MAP4K4: variants seen among roughly 807,000 people sequenced by gnomAD.
The protein encoded by MAP4K4 is HPK/GCK-like kinase HGK.
A neutral mutation model predicts 189.6 loss-of-function variants in MAP4K4; 38 were observed. The observed-to-expected ratio is 0.20, with a 90% CI of 0.15 to 0.26. MAP4K4 has a LOEUF of 0.26. MAP4K4 is among the 10% of genes least tolerant of loss of function. The probability of loss-of-function intolerance (pLI) is 1.00; values close to 1 mark genes in which losing one functional copy is unlikely to be tolerated. For synonymous variants in MAP4K4, 610 were observed against 624.3 expected, an observed-to-expected ratio of 0.98 and a Z score of 0.34; for missense variants, 1,054 against 1,726.9, an observed-to-expected ratio of 0.61 and a Z score of 6.91.
chr2:101,828,508 C>G (rs567051270), intron 5 of MAP4K4, among the ~76,000 whole-genome samples: 60 of 152,364 alleles, frequency 3.9e-4, no homozygotes, highest in African/African-American at 1.3e-3. Flanking sequence ...AAGCTCTGCT[C>G]TGTTTCATAG....
At chr2:101,845,520 T>C (rs956092539) in intron 12 of MAP4K4, among the ~76,000 whole-genome samples, 1 of 152,210 alleles carries the variant, frequency 6.6e-6, no homozygotes. Context: ...ACCTAGACTA[T>C]GTGGTGTGGC....
At chr2:101,824,036 C>T in exon 4 of MAP4K4, 2 of 1,557,392 alleles carry the variant, frequency 1.3e-6, no homozygotes, top group African/African-American at 2.8e-5. Flanking sequence ...CCCTCCAGGA[C>T]ATGATGACCA....
chr2:101,759,346 C>T (rs2150116927), intron 2 of MAP4K4, among the ~76,000 whole-genome samples: 1 of 152,160 alleles, frequency 6.6e-6, no homozygotes, highest in Non-Finnish European at 1.5e-5. Flanking sequence ...GGCATTTCCT[C>T]TGAGTTGGCG....
At chr2:101,823,072 A>G (rs2096169412) in intron 3 of MAP4K4, among the ~76,000 whole-genome samples, 1 of 152,164 alleles carries the variant, frequency 6.6e-6, no homozygotes, top group African/African-American at 2.4e-5. Flanking sequence ...CAGAATGCCT[A>G]CCTGGCTGGT....
At chr2:101,698,637 C>T in intron 2 of MAP4K4, 99 bp downstream of exon 2, 1 of 1,155,992 alleles carries the variant, frequency 8.7e-7, no homozygotes, top group South Asian at 1.3e-5. Context: ...GGAGGCCACG[C>T]CGCTTGGCCA....
intron 2 of MAP4K4, among the ~76,000 whole-genome samples, chr2:101,727,861 C>T (rs538915101): frequency 2.0e-5 from 3 of 152,220 alleles, no homozygotes; most frequent in South Asian, 4.1e-4. Context: ...TCCAGCTACT[C>T]GGGAGGTTGA....
At position 101,856,157 on chromosome 2, in the gene MAP4K4, T is replaced by A. The variant is rs909209324; in HGVS notation, c.1395+19T>A. 3.2e-6 allele frequency: 5 copies of A among 1,547,036 alleles called. No homozygotes were observed. The African/African-American group carries it at 6.9e-5, about 21-fold the overall frequency. On this transcript the variant is annotated intron_variant, in intron 13 of 32. Transcript: ENST00000324219. ...AGAACAGGTTAGTTCACAGATAACA[T>A]AGCAGGCATACACTTGTGAAGTTTG...
chr2:101,856,194 A>G, intron 13 of MAP4K4, 56 bp downstream of exon 13: 3 of 1,516,260 alleles, frequency 2.0e-6, no homozygotes, highest in Non-Finnish European at 2.7e-6. Context: ...TACTTTGCAG[A>G]GCTGGGGGAT....
chr2:101,867,378 G>A, intron 20 of MAP4K4, 69 bp downstream of exon 20: 1 of 1,202,228 alleles, frequency 8.3e-7, no homozygotes, highest in South Asian at 1.3e-5. Context: ...AAAAATATGT[G>A]GTTGAGAGGC....
chr2:101,870,281 T>C lies in MAP4K4; in HGVS notation c.2640-14T>C, dbSNP rs1474703129. 1.2e-6 allele frequency: 2 copies of C among 1,611,094 alleles called. No individual in the cohort carries two copies. The highest frequency in any genetic ancestry group is 1.3e-5 in the African/African-American group (1 of 74,858). ...GAGATTAAGGCCTTTCACGTCTGGA[T>C]TTTTTCTCCATAGGTCATCTCTGAA... On this transcript the variant is annotated splice_polypyrimidine_tract_variant and intron_variant, in intron 22 of 32. Transcript: ENST00000324219.
chr2:101,753,593 C>G (rs907759930), intron 2 of MAP4K4, among the ~76,000 whole-genome samples: 11 of 151,828 alleles, frequency 7.2e-5, no homozygotes, highest in Non-Finnish European at 1.2e-4. Context: ...ATATGGATTT[C>G]AGCAAGTATG....
At chr2:101,862,536 C>T (rs191182390) in intron 16 of MAP4K4, among the ~76,000 whole-genome samples, 6 of 152,148 alleles carry the variant, frequency 3.9e-5, no homozygotes, top group Non-Finnish European at 4.4e-5. Flanking sequence ...AGTTAAACTT[C>T]GCATAAATGG....
chr2:101,727,570 A>G (rs2056183710), intron 2 of MAP4K4, among the ~76,000 whole-genome samples: 1 of 152,228 alleles, frequency 6.6e-6, no homozygotes, highest in African/African-American at 2.4e-5. Context: ...GACTCTTAAA[A>G]TTTTGGGGGG....
chr2:101,859,674 G>A (rs2097578460), exon 15 of MAP4K4: 10 of 1,611,070 alleles, frequency 6.2e-6, no homozygotes, highest in African/African-American at 1.3e-5. Context: ...GAGGAGCACC[G>A]GCAGGCAGAG....
At chr2:101,763,969 A>AT (rs1239102704) in intron 2 of MAP4K4, among the ~76,000 whole-genome samples, 1 of 151,914 alleles carries the variant, frequency 6.6e-6, no homozygotes, top group Non-Finnish European at 1.5e-5. Context: ...TGGCTGTATG[A>AT]TTTTGCCTGA....
chr2:101,769,321 A>G (rs2080171563), intron 2 of MAP4K4, among the ~76,000 whole-genome samples: 1 of 152,226 alleles, frequency 6.6e-6, no homozygotes, highest in Non-Finnish European at 1.5e-5. Flanking sequence ...GTGAATATTC[A>G]GCAAGGTAAG....
chr2:101,721,497 G>A (rs1354203947), intron 2 of MAP4K4, among the ~76,000 whole-genome samples: 2 of 150,556 alleles, frequency 1.3e-5, no homozygotes, highest in African/African-American at 4.9e-5. Context: ...GTGCGGTGGC[G>A]CGATCTCGGC....
chr2:101,751,901 A>G (rs1574898800), intron 2 of MAP4K4, among the ~76,000 whole-genome samples: 1 of 152,294 alleles, frequency 6.6e-6, no homozygotes, highest in East Asian at 1.9e-4. Flanking sequence ...TTTGGTCCCA[A>G]AGGAGCCAGC....
At chr2:101,865,128 A>T (rs555707461) in intron 18 of MAP4K4, 92 bp downstream of exon 18, 1 of 749,838 alleles carries the variant, frequency 1.3e-6, no homozygotes, top group African/African-American at 1.8e-5. Context: ...TTAAACACAG[A>T]CGTTCTGGGG....
Sources: gnomAD v4.1 joint callset for allele counts (sites outside exome capture counted in the v4.1 genomes callset) on GRCh38, gnomAD v4.1.1 for gene constraint, MANE v1.5 for transcripts, NCBI Gene and HGNC (gene_info 2026-07-23, HGNC 2026-07-21) for gene names.